RABGAP1L: variants seen among roughly 807,000 people sequenced by gnomAD.
RABGAP1L encodes the protein RAB GTPase activating protein 1 like.
In RABGAP1L, 63 loss-of-function variants were observed where a neutral mutation model predicts 137.7. The observed-to-expected ratio is 0.46, with a 90% CI of 0.37 to 0.56. RABGAP1L has a LOEUF of 0.56. RABGAP1L is among the 20% of genes least tolerant of loss of function. The pLI is 0.00. For synonymous variants in RABGAP1L, 431 were observed against 433.7 expected (o/e 0.99, Z 0.08); for missense variants, 1,095 against 1,244.0 (o/e 0.88, Z 1.80).
intron 1 of RABGAP1L, among the ~76,000 whole-genome samples, chr1:174,213,230 G>A (rs571840798): frequency 6.6e-6 from 1 of 152,090 alleles, no homozygotes; most frequent in Non-Finnish European, 1.5e-5. Context: ...TTCAAGACCA[G>A]CCTGGCCAAC....
intron 13 of RABGAP1L, among the ~76,000 whole-genome samples, chr1:174,427,939 C>A (rs551148333): frequency 2.0e-5 from 3 of 152,258 alleles, no homozygotes; most frequent in African/African-American, 7.2e-5. Flanking sequence ...ACACTCAGAC[C>A]TGTGTTGGTT....
At chr1:174,317,879 A>G (rs896441798) in intron 11 of RABGAP1L, among the ~76,000 whole-genome samples, 3 of 152,128 alleles carry the variant, frequency 2.0e-5, no homozygotes, top group African/African-American at 7.2e-5. Flanking sequence ...ATGGGCGGGC[A>G]TCAGCAGGAG....
At chr1:174,551,021 T>TACACAC (rs1377725516) in intron 13 of RABGAP1L, among the ~76,000 whole-genome samples, 1,261 of 122,794 alleles carry the variant, frequency 0.01, 27 homozygotes, top group South Asian at 0.025. Context: ...TATATATATA[T>TACACAC]ACATACACAC....
intron 10 of RABGAP1L, among the ~76,000 whole-genome samples, chr1:174,290,937 T>A (rs907165926): frequency 2.0e-5 from 3 of 152,102 alleles, no homozygotes; most frequent in Non-Finnish European, 2.9e-5. Flanking sequence ...AAGTTTTAAT[T>A]TTTTGTAGAG....
intron 13 of RABGAP1L, among the ~76,000 whole-genome samples, chr1:174,551,246 C>T (rs1666527721): frequency 6.6e-6 from 1 of 151,038 alleles, no homozygotes; most frequent in African/African-American, 2.4e-5. Flanking sequence ...CCACTCTACC[C>T]AACAAGAGTA....
At chr1:174,962,203 C>CA (rs150366557) in intron 20 of RABGAP1L, among the ~76,000 whole-genome samples, 16,039 of 137,776 alleles carry the variant, frequency 0.12, 2,180 homozygotes, top group East Asian at 0.25. Context: ...TACACCCCCC[C>CA]CCCACACACA....
intron 13 of RABGAP1L, among the ~76,000 whole-genome samples, chr1:174,411,757 A>G (rs1649951803): frequency 6.6e-6 from 1 of 152,090 alleles, no homozygotes; most frequent in African/African-American, 2.4e-5. Flanking sequence ...GTCATTCAGG[A>G]GCAGGTCATT....
At chr1:174,354,688 G>T (rs915943165) in intron 11 of RABGAP1L, among the ~76,000 whole-genome samples, 1 of 152,064 alleles carries the variant, frequency 6.6e-6, no homozygotes, top group Admixed American at 6.5e-5. Flanking sequence ...GTCAATTTTG[G>T]CTTTTGTTGC....
At chr1:174,956,242 C>T (rs1668507173) in intron 19 of RABGAP1L, among the ~76,000 whole-genome samples, 1 of 152,032 alleles carries the variant, frequency 6.6e-6, no homozygotes, top group Non-Finnish European at 1.5e-5. Flanking sequence ...CATTCTGTTG[C>T]CCAGGCTGGA....
At chr1:174,582,904 GT>G (rs1431910057) in intron 13 of RABGAP1L, among the ~76,000 whole-genome samples, 4 of 152,100 alleles carry the variant, frequency 2.6e-5, no homozygotes, top group Admixed American at 2.6e-4. Flanking sequence ...ATTCAGGTTG[GT>G]TTTTCTTTTC....
chr1:174,707,219 T>C (rs929870518), intron 17 of RABGAP1L, among the ~76,000 whole-genome samples: 2 of 59,334 alleles, frequency 3.4e-5, no homozygotes, highest in Admixed American at 3.0e-4. Flanking sequence ...GGTTTTGTTC[T>C]GTTTTGTTTT....
chr1:174,791,319 G>A (rs537667803), intron 18 of RABGAP1L, among the ~76,000 whole-genome samples: 1 of 152,236 alleles, frequency 6.6e-6, no homozygotes, highest in African/African-American at 2.4e-5. Flanking sequence ...TTTTTACAGT[G>A]ACAGCTGTTA....
intron 15 of RABGAP1L, among the ~76,000 whole-genome samples, chr1:174,687,624 A>G (rs1434694008): frequency 6.6e-6 from 1 of 152,208 alleles, no homozygotes; most frequent in African/African-American, 2.4e-5. Context: ...GACTGGTTTA[A>G]ACAATTCATC....
chr1:174,187,521 T>C (rs1452197461), intron 1 of RABGAP1L, among the ~76,000 whole-genome samples: 3 of 152,092 alleles, frequency 2.0e-5, no homozygotes, highest in Non-Finnish European at 4.4e-5. Flanking sequence ...AGTCATCTCA[T>C]TGATAGCCTA....
chr1:174,628,101 G>T (rs928218807), intron 13 of RABGAP1L, among the ~76,000 whole-genome samples: 1 of 152,032 alleles, frequency 6.6e-6, no homozygotes, highest in Non-Finnish European at 1.5e-5. Flanking sequence ...TCTTTATTGT[G>T]TGGGTTACAT....
At chr1:174,946,588 G>A (rs1350088217) in intron 19 of RABGAP1L, among the ~76,000 whole-genome samples, 1 of 151,926 alleles carries the variant, frequency 6.6e-6, no homozygotes, top group Admixed American at 6.6e-5. Context: ...TTCTTTGTGA[G>A]GCTTAAGAAA....
At chr1:174,362,035 T>G (rs1332715156) in intron 11 of RABGAP1L, among the ~76,000 whole-genome samples, 1 of 152,254 alleles carries the variant, frequency 6.6e-6, no homozygotes, top group Non-Finnish European at 1.5e-5. Flanking sequence ...ACATGCACTA[T>G]TCAGTTTTCT....
chr1:174,817,070 T>A (rs1420243967), intron 19 of RABGAP1L, among the ~76,000 whole-genome samples: 1 of 152,164 alleles, frequency 6.6e-6, no homozygotes, highest in Non-Finnish European at 1.5e-5. Context: ...AGTTGATTTT[T>A]ATTTGGAATA....
intron 18 of RABGAP1L, among the ~76,000 whole-genome samples, chr1:174,802,914 G>T (rs1688887058): frequency 1.3e-5 from 2 of 152,304 alleles, no homozygotes; most frequent in South Asian, 4.1e-4. Flanking sequence ...CCTGCCACAT[G>T]CAGTATTGCA....
Sources: allele counts gnomAD v4.1 joint callset (sites outside exome capture counted in the v4.1 genomes callset), GRCh38; gene constraint gnomAD v4.1.1; transcripts MANE v1.5; gene names NCBI Gene and HGNC (gene_info 2026-07-23, HGNC 2026-07-21).